Variants in ROBO2 observed in about 807,000 individuals in gnomAD.
The protein encoded by ROBO2 is roundabout guidance receptor 2.
Under a neutral mutation model 160.8 loss-of-function variants are expected in ROBO2, and 53 were observed. That is an observed-to-expected ratio of 0.33 (90% CI 0.26 to 0.41). The LOEUF is 0.41. Ranked by LOEUF, ROBO2 falls within the 10% of genes least tolerant of loss-of-function variation. The pLI is 1.00. For synonymous variants in ROBO2, 664 were observed against 611.7 expected (o/e 1.09, Z -1.26); for missense variants, 1,577 against 1,722.4 (o/e 0.92, Z 1.49).
At chr3:76,536,513 T>C (rs1450267171) in intron 2 of ROBO2, among the ~76,000 whole-genome samples, 3 of 152,070 alleles carry the variant, frequency 2.0e-5, no homozygotes, top group African/African-American at 7.2e-5. Flanking sequence ...TTTAAGCTTG[T>C]CATAATTGAT....
intron 2 of ROBO2, among the ~76,000 whole-genome samples, chr3:77,422,038 A>G (rs1169344638): frequency 3.3e-5 from 5 of 152,200 alleles, no homozygotes; most frequent in Admixed American, 6.6e-5. Flanking sequence ...CTTGCATTTA[A>G]TGGGCACTTT....
At chr3:76,809,940 G>A (rs2065033674) in intron 2 of ROBO2, among the ~76,000 whole-genome samples, 1 of 151,812 alleles carries the variant, frequency 6.6e-6, no homozygotes, top group Admixed American at 6.6e-5. Flanking sequence ...CTAGAATATG[G>A]AAAATATAAT....
Position 76,114,701 on chromosome 3 carries a change from C to G in ROBO2, c.109+177099C>G, listed in dbSNP as rs565611623. The stretch of plus-strand genomic sequence containing the variant: ...GACTTTGGAGCCCACATACTTTTCA[C>G]TTTATTACCCTAAGAACTCACAAAT... On this transcript the variant is annotated intron_variant, in intron 2 of 26. Coordinates refer to the ROBO2 transcript ENST00000487694. Among the ~76,000 whole-genome samples, 11 of 152,214 alleles carry G rather than the reference C, an allele frequency of 7.2e-5. No homozygotes were observed. In the South Asian group the frequency reaches 2.3e-3, roughly 32 times the overall value.
intron 2 of ROBO2, among the ~76,000 whole-genome samples, chr3:76,046,273 T>C (rs949106649): frequency 6.6e-5 from 10 of 152,002 alleles, no homozygotes; most frequent in Non-Finnish European, 5.9e-5. Flanking sequence ...ATAATATTTA[T>C]GGAAGATGGC....
chr3:77,140,417 T>A (rs2076614032), intron 2 of ROBO2, among the ~76,000 whole-genome samples: 1 of 152,186 alleles, frequency 6.6e-6, no homozygotes, highest in Non-Finnish European at 1.5e-5. Context: ...ATTTATATCA[T>A]GAAATTGGAT....
chr3:76,374,161 C>A (rs1232452011), intron 2 of ROBO2, among the ~76,000 whole-genome samples: 1 of 151,878 alleles, frequency 6.6e-6, no homozygotes, highest in Non-Finnish European at 1.5e-5. Context: ...ACGAGTCCCC[C>A]CTCCCATGTT....
At chr3:76,781,071 G>A (rs900815923) in intron 2 of ROBO2, among the ~76,000 whole-genome samples, 2 of 150,614 alleles carry the variant, frequency 1.3e-5, no homozygotes, top group Admixed American at 6.6e-5. Context: ...CTATTTATTT[G>A]TGTCTTCTTC....
chr3:76,515,975 A>G (rs1230183743), intron 2 of ROBO2, among the ~76,000 whole-genome samples: 2 of 152,192 alleles, frequency 1.3e-5, no homozygotes, highest in Non-Finnish European at 2.9e-5. Context: ...CATTAGAGAA[A>G]GTGAAAAGTC....
chr3:76,463,319 C>T (rs1053303448), intron 2 of ROBO2, among the ~76,000 whole-genome samples: 1 of 151,874 alleles, frequency 6.6e-6, no homozygotes, highest in African/African-American at 2.4e-5. Context: ...CGATTTCAAC[C>T]CTTAAAGATA....
At chr3:75,965,586 T>TCGAA (rs1202345211) in intron 2 of ROBO2, among the ~76,000 whole-genome samples, 32 of 151,822 alleles carry the variant, frequency 2.1e-4, no homozygotes, top group South Asian at 8.3e-4. Flanking sequence ...ATGCAACAGT[T>TCGAA]TTTTCTGCTA....
chr3:77,641,573 CTAT>C (rs2095351780), intron 24 of ROBO2, among the ~76,000 whole-genome samples: 1 of 151,976 alleles, frequency 6.6e-6, no homozygotes, highest in African/African-American at 2.4e-5. Context: ...ACAATATCTT[CTAT>C]TAATGAAATA....
chr3:76,736,231 G>A lies in ROBO2; in HGVS notation c.110-361783G>A, dbSNP rs540900754. ...CGGGAGGCGGAGCTTGCAGTGAGCC[G>A]AGATCGCGTCCCTGCACTCCAGCCT... On this transcript the variant is annotated intron_variant, in intron 2 of 26. Transcript: ENST00000487694. Among the ~76,000 whole-genome samples the A allele has an allele frequency of 6.7e-5, 10 of 148,442 alleles. No homozygotes were observed. The South Asian group carries it at 1.7e-3, about 25-fold the overall frequency.
intron 2 of ROBO2, among the ~76,000 whole-genome samples, chr3:76,855,814 T>C (rs1391854038): frequency 6.6e-6 from 1 of 152,236 alleles, no homozygotes; most frequent in Non-Finnish European, 1.5e-5. Flanking sequence ...CTTAAGTTAT[T>C]GTAATTGTCG....
chr3:77,420,802 G>GA (rs1452946610), intron 2 of ROBO2, among the ~76,000 whole-genome samples: 1 of 152,036 alleles, frequency 6.6e-6, no homozygotes, highest in Non-Finnish European at 1.5e-5. Context: ...GACAAATTTG[G>GA]AAAATGAGGC....
intron 2 of ROBO2, among the ~76,000 whole-genome samples, chr3:76,624,711 T>A (rs1266490895): frequency 7.1e-6 from 1 of 140,854 alleles, no homozygotes; most frequent in Non-Finnish European, 1.5e-5. Context: ...GGGAGGAGAA[T>A]CGCTTGCACC....
chr3:77,278,303 T>C lies in ROBO2; in HGVS notation c.388+179963T>C, dbSNP rs529647382. 4.0e-4 allele frequency among the ~76,000 whole-genome samples: 61 copies of C among 152,296 alleles called. 1 individual carries two copies. In the South Asian group the frequency reaches 0.012, roughly 31 times the overall value. ...CACTATGTTAATGACAAATAATATG[T>C]GTATCCTCCATTCAATCTCTACTCT... On this transcript the variant is annotated intron_variant, in intron 2 of 25. Transcript: ENST00000461745.
intron 2 of ROBO2, among the ~76,000 whole-genome samples, chr3:76,407,698 T>C (rs2075280461): frequency 6.6e-6 from 1 of 152,018 alleles, no homozygotes; most frequent in Admixed American, 6.6e-5. Context: ...TGGAATTATG[T>C]TTAATTATTT....
intron 5 of ROBO2, among the ~76,000 whole-genome samples, chr3:77,513,467 A>G (rs1266215631): frequency 6.6e-6 from 1 of 151,900 alleles, no homozygotes; most frequent in African/African-American, 2.4e-5. Context: ...GGAAAAAATA[A>G]CATAGATTCT....
chr3:76,099,257 G>A (rs1423292648), intron 2 of ROBO2, among the ~76,000 whole-genome samples: 2 of 151,946 alleles, frequency 1.3e-5, no homozygotes, highest in Non-Finnish European at 2.9e-5. Context: ...TAACTTTACT[G>A]AAGGAGTTGG....
Sources: allele counts gnomAD v4.1 joint callset (sites outside exome capture counted in the v4.1 genomes callset), GRCh38; gene constraint gnomAD v4.1.1; transcripts MANE v1.5; gene names NCBI Gene and HGNC (gene_info 2026-07-23, HGNC 2026-07-21).